Variants in KSR2 observed in about 807,000 individuals in gnomAD.
KSR2 encodes the protein kinase suppressor of ras 2.
A neutral mutation model predicts 107.8 loss-of-function variants in KSR2; 25 were observed. That is an observed-to-expected ratio of 0.23 (90% CI 0.17 to 0.32). KSR2 has a LOEUF of 0.32. Ranked by LOEUF, KSR2 falls within the 10% of genes least tolerant of loss-of-function variation. KSR2 has a pLI of 1.00. For synonymous variants in KSR2, 480 were observed against 507.0 expected (o/e 0.95, Z 0.71); for missense variants, 887 against 1,268.9 (o/e 0.70, Z 4.57).
chr12:117,816,363 T>C (rs1050409793), intron 3 of KSR2, among the ~76,000 whole-genome samples: 2 of 152,118 alleles, frequency 1.3e-5, no homozygotes, highest in Admixed American at 6.6e-5. Context: ...TTTTAGATGA[T>C]TGCAGCACCC....
chr12:117,795,088 A>G (rs1442779518), intron 3 of KSR2, among the ~76,000 whole-genome samples: 1 of 152,130 alleles, frequency 6.6e-6, no homozygotes, highest in Non-Finnish European at 1.5e-5. Context: ...TTTAGCAGAG[A>G]AATGCCCCCA....
intron 5 of KSR2, among the ~76,000 whole-genome samples, chr12:117,605,670 A>G (rs73407389): frequency 0.014 from 2,087 of 152,302 alleles, 44 homozygotes; most frequent in African/African-American, 0.048. Flanking sequence ...AGATAAATGT[A>G]CATGTAAGTT....
rs1015283713 is a variant in KSR2, at chr12:117,466,849, G to C, written c.*350C>G. 7.0e-5 allele frequency: 20 copies of C among 285,302 alleles called. No homozygotes were observed. Among genetic ancestry groups the C allele is most frequent in the African/African-American group, 2.2e-4 (10 of 46,128 alleles). 17.7% of individuals were successfully genotyped at this position (285,302 alleles called of 1,614,324 possible). On this transcript the variant is annotated 3_prime_UTR_variant, in exon 20 of 20. Coordinates refer to ENST00000339824, the MANE Select transcript of KSR2 (RefSeq NM_173598.6). Reference sequence around the variant, plus strand: ...GACACACACACACATAGCCCCGTCTGTGAGCCCCCCCACGTGGGGTCTCCT... The same window carrying C: ...GACACACACACACATAGCCCCGTCTCTGAGCCCCCCCACGTGGGGTCTCCT...
chr12:117,864,136 G>A (rs2137259409), intron 1 of KSR2, among the ~76,000 whole-genome samples: 1 of 152,226 alleles, frequency 6.6e-6, no homozygotes, highest in East Asian at 1.9e-4. Context: ...GGAGGAGAGG[G>A]GAGGGGCTGA....
chr12:117,595,040 C>T (rs1306649596), intron 5 of KSR2, among the ~76,000 whole-genome samples: 2 of 152,154 alleles, frequency 1.3e-5, no homozygotes, highest in Admixed American at 1.3e-4. Flanking sequence ...ATGGACAGAT[C>T]TAAAAACAGG....
chr12:117,704,814 G>T (rs1249926086), intron 4 of KSR2, among the ~76,000 whole-genome samples: 2 of 150,942 alleles, frequency 1.3e-5, no homozygotes, highest in Non-Finnish European at 2.9e-5. Flanking sequence ...AGCCAAGATT[G>T]TACCACTGCA....
intron 9 of KSR2, among the ~76,000 whole-genome samples, chr12:117,541,063 G>C (rs1389934712): frequency 6.6e-6 from 1 of 152,218 alleles, no homozygotes; most frequent in East Asian, 1.9e-4. Context: ...AGTGCACAGG[G>C]CTGCATGAAG....
At chr12:117,800,346 C>G (rs552002514) in intron 3 of KSR2, among the ~76,000 whole-genome samples, 5 of 152,170 alleles carry the variant, frequency 3.3e-5, no homozygotes, top group African/African-American at 9.6e-5. Context: ...AGGTTCCTGT[C>G]TGTGGTTCCT....
chr12:117,904,486 C>A (rs983720431), intron 1 of KSR2, among the ~76,000 whole-genome samples: 1 of 152,064 alleles, frequency 6.6e-6, no homozygotes, highest in Non-Finnish European at 1.5e-5. Flanking sequence ...TGCAGACGGT[C>A]GTTAAGAAAC....
intron 14 of KSR2, among the ~76,000 whole-genome samples, chr12:117,496,743 G>A (rs573170710): frequency 2.2e-4 from 34 of 152,186 alleles, no homozygotes; most frequent in Non-Finnish European, 4.1e-4. Flanking sequence ...ACTGTGGTCT[G>A]CCAAAGGCCC....
chr12:117,901,675 T>C (rs896472352), intron 1 of KSR2, among the ~76,000 whole-genome samples: 4 of 152,186 alleles, frequency 2.6e-5, no homozygotes, highest in African/African-American at 9.7e-5. Flanking sequence ...TTCAGTTTTT[T>C]TAAACGTGGA....
intron 3 of KSR2, among the ~76,000 whole-genome samples, chr12:117,770,976 C>CAA (rs61641342): frequency 0.13 from 8,575 of 66,006 alleles, 552 homozygotes; most frequent in Middle Eastern, 0.19. Flanking sequence ...GACTCCGTCT[C>CAA]AAAAAAAAAA....
chr12:117,588,658 C>A (rs556775832), intron 5 of KSR2, among the ~76,000 whole-genome samples: 3 of 152,294 alleles, frequency 2.0e-5, no homozygotes, highest in African/African-American at 4.8e-5. Context: ...AGACTCAGAG[C>A]AAATCTGAAC....
At chr12:117,866,628 G>A (rs1893479218) in intron 1 of KSR2, among the ~76,000 whole-genome samples, 2 of 152,124 alleles carry the variant, frequency 1.3e-5, no homozygotes, top group Admixed American at 1.3e-4. Flanking sequence ...TCGGGAGTTT[G>A]AGACCAGCCT....
intron 5 of KSR2, among the ~76,000 whole-genome samples, chr12:117,639,325 C>CATT (rs971331095): frequency 1.5e-4 from 23 of 150,596 alleles, no homozygotes; most frequent in Admixed American, 9.3e-4. Flanking sequence ...TTATTATCAT[C>CATT]ATTATTATTA....
chr12:117,734,498 C>T (rs759624986), intron 4 of KSR2, among the ~76,000 whole-genome samples: 15 of 152,216 alleles, frequency 9.9e-5, no homozygotes, highest in Non-Finnish European at 1.8e-4. Context: ...GCCCGGGGTC[C>T]TCCAAGACTA....
chr12:117,526,959 C>T (rs1875209805), intron 13 of KSR2, 112 bp downstream of exon 13: 2 of 824,570 alleles, frequency 2.4e-6, no homozygotes, highest in Admixed American at 2.0e-5. Context: ...GTCAGGGCCA[C>T]CACAGCCCCC....
rs77521261 is a variant in KSR2, at chr12:117,965,519, A to G, written c.180+2557T>C. ...TTCCTGAAGGCCAAGTCCACCTTGCATATTTTTGTTTCTACAGAAGTGTAT... is the reference window on the plus strand; with the variant it reads ...TTCCTGAAGGCCAAGTCCACCTTGCGTATTTTTGTTTCTACAGAAGTGTAT... On this transcript the variant is annotated intron_variant, in intron 1 of 19. Coordinates refer to ENST00000339824, the MANE Select transcript of KSR2 (RefSeq NM_173598.6). 8.1e-3 allele frequency among the ~76,000 whole-genome samples: 1,239 copies of G among 152,296 alleles called. 20 individuals are homozygous for G. The highest frequency in any genetic ancestry group is 0.028 in the African/African-American group (1,176 of 41,556).
intron 3 of KSR2, among the ~76,000 whole-genome samples, chr12:117,793,768 AT>A (rs533529287): frequency 5.4e-4 from 78 of 144,868 alleles, no homozygotes; most frequent in African/African-American, 1.9e-3. Context: ...ACATGCACAC[AT>A]GCAACATGCA....
Sources: gnomAD v4.1 joint callset for allele counts (sites outside exome capture counted in the v4.1 genomes callset) on GRCh38, gnomAD v4.1.1 for gene constraint, MANE v1.5 for transcripts, NCBI Gene and HGNC (gene_info 2026-07-23, HGNC 2026-07-21) for gene names.